Variants in SGCZ observed in about 807,000 individuals in gnomAD.
The protein encoded by SGCZ is sarcoglycan zeta, also known as zeta-sarcoglycan.
A neutral mutation model predicts 41.3 loss-of-function variants in SGCZ; 40 were observed. The observed-to-expected ratio is 0.97, with a 90% CI of 0.75 to 1.26. The LOEUF is 1.26. Ranked by LOEUF, SGCZ falls within the 50% of genes most tolerant of loss-of-function variation. The pLI is 0.00. For missense variants in SGCZ, 552 were observed against 369.8 expected, an observed-to-expected ratio of 1.49 and a Z score of -4.04; for synonymous variants, 206 against 137.5, an observed-to-expected ratio of 1.50 and a Z score of -3.49.
At position 14,259,596 on chromosome 8, in the gene SGCZ, G is replaced by A. The variant is rs1184958553; in HGVS notation, c.337-21917C>T. ...CTTTCCCCATTGCTTGTTTTTGTCA[G>A]GTTTGTCAAAGATCAGATAGTTGTA... On this transcript the variant is annotated intron_variant, in intron 3 of 7. Transcript: ENST00000382080. Among the ~76,000 whole-genome samples, 4 of 130,380 alleles carry A rather than the reference G, an allele frequency of 3.1e-5. 1 individual carries two copies. In the South Asian group the frequency reaches 7.0e-4, roughly 23 times the overall value. The allele number at this position is 130,380 out of a possible 152,430, so 85.5% of individuals were successfully genotyped here.
At chr8:14,216,749 C>A (rs1471400894) in intron 4 of SGCZ, among the ~76,000 whole-genome samples, 2 of 151,430 alleles carry the variant, frequency 1.3e-5, no homozygotes, top group East Asian at 1.9e-4. Flanking sequence ...AAAACAAAAA[C>A]CTACACCTGT....
chr8:14,527,885 T>G (rs1406418119), intron 2 of SGCZ, among the ~76,000 whole-genome samples: 2 of 152,196 alleles, frequency 1.3e-5, no homozygotes, highest in Admixed American at 6.6e-5. Context: ...TTCTATAAAT[T>G]AGTAAAATAG....
chr8:14,771,082 G>C (rs545246369), intron 1 of SGCZ, among the ~76,000 whole-genome samples: 2 of 152,228 alleles, frequency 1.3e-5, no homozygotes, highest in East Asian at 3.9e-4. Flanking sequence ...AGTTAGAGTT[G>C]CTGATCATGG....
In SGCZ at chr8:14,085,501, C is replaced by T. The variant is rs1801498624; in HGVS notation, c.*4942G>A. Among the ~76,000 whole-genome samples the T allele has an allele frequency of 6.6e-6, 1 of 151,686 alleles. No homozygotes were observed. The highest frequency in any genetic ancestry group is 2.1e-4 in the South Asian group (1 of 4,832). On this transcript the variant is annotated 3_prime_UTR_variant, in exon 8 of 8. Transcript: ENST00000382080. ...AAAATAACTACAGTTCATTATATCT[C>T]ATTTCCTTTAATGGTTTTCATTGGC...
intron 4 of SGCZ, among the ~76,000 whole-genome samples, chr8:14,212,253 GA>G (rs1352947486): frequency 6.6e-6 from 1 of 151,992 alleles, no homozygotes; most frequent in Non-Finnish European, 1.5e-5. Flanking sequence ...AGATTATGTG[GA>G]AAGTCCAAGA....
intron 4 of SGCZ, among the ~76,000 whole-genome samples, chr8:14,230,032 T>C (rs933453893): frequency 6.6e-6 from 1 of 152,136 alleles, no homozygotes; most frequent in Non-Finnish European, 1.5e-5. Context: ...TCATTTACCT[T>C]CTTCATTTTA....
At chr8:14,553,450 C>A (rs1803934257) in intron 2 of SGCZ, among the ~76,000 whole-genome samples, 1 of 152,028 alleles carries the variant, frequency 6.6e-6, no homozygotes, top group African/African-American at 2.4e-5. Flanking sequence ...TGACTCCTGG[C>A]CAACTTTTCT....
At chr8:14,961,971 T>G (rs959882016) in intron 1 of SGCZ, among the ~76,000 whole-genome samples, 1 of 152,236 alleles carries the variant, frequency 6.6e-6, no homozygotes, top group Non-Finnish European at 1.5e-5. Context: ...TGCGGAGCAC[T>G]GATTATATCA....
chr8:14,441,727 T>C (rs1190913285), intron 2 of SGCZ, among the ~76,000 whole-genome samples: 1 of 152,242 alleles, frequency 6.6e-6, no homozygotes, highest in African/African-American at 2.4e-5. Flanking sequence ...CAATGACTTG[T>C]GCTCTTCTTA....
chr8:15,035,373 C>T (rs1803837110), intron 1 of SGCZ, among the ~76,000 whole-genome samples: 2 of 151,938 alleles, frequency 1.3e-5, no homozygotes, highest in South Asian at 4.2e-4. Flanking sequence ...AGTAAAGTAT[C>T]GAACCATGTC....
intron 1 of SGCZ, among the ~76,000 whole-genome samples, chr8:15,001,270 GT>G (rs1802409851): frequency 6.6e-6 from 1 of 152,214 alleles, no homozygotes; most frequent in Non-Finnish European, 1.5e-5. Flanking sequence ...ACTTCAGGGA[GT>G]TTCAAACACC....
chr8:14,166,947 A>T (rs1222879219), intron 4 of SGCZ, among the ~76,000 whole-genome samples: 9 of 152,190 alleles, frequency 5.9e-5, no homozygotes, highest in Non-Finnish European at 1.3e-4. Context: ...CATCTAATTG[A>T]AAAAGAGATA....
rs117128826 is a variant in SGCZ, at chr8:15,160,824, G to A, written c.39+76761C>T. ...CTCAGGCCAAAAGGCACATGCCACC[G>A]TCTATGCCTCCATTCTGTCTATTCT... is the stretch of plus-strand genomic sequence containing the variant. On this transcript the variant is annotated intron_variant, in intron 1 of 7. Coordinates refer to ENST00000382080, the MANE Select transcript of SGCZ (RefSeq NM_139167.4). Among the ~76,000 whole-genome samples the A allele has an allele frequency of 1.4e-4, 21 of 152,270 alleles. No homozygotes were observed. In the East Asian group the frequency reaches 3.5e-3, roughly 25 times the overall value.
In SGCZ at chr8:14,829,192, TC is replaced by T. The variant is rs201037107; in HGVS notation, c.40-274267del. Among the ~76,000 whole-genome samples the T allele has an allele frequency of 9.8e-4, 149 of 152,232 alleles. 1 individual carries two copies. The East Asian group carries it at 0.027, about 28-fold the overall frequency. On this transcript the variant is annotated intron_variant, in intron 1 of 7. Transcript: ENST00000382080. ...TATTTTTCTTGATCCTCTCCCTGCT[TC>T]CACCCCAACACTCTGATAGGCCCCA...
At chr8:14,504,971 G>A (rs906602538) in intron 2 of SGCZ, among the ~76,000 whole-genome samples, 1 of 152,036 alleles carries the variant, frequency 6.6e-6, no homozygotes, top group Non-Finnish European at 1.5e-5. Context: ...TGAACTGTCT[G>A]TTGCATTGCT....
intron 3 of SGCZ, among the ~76,000 whole-genome samples, chr8:14,272,027 G>A (rs1800082351): frequency 6.6e-6 from 1 of 152,032 alleles, no homozygotes; most frequent in Admixed American, 6.6e-5. Flanking sequence ...TTTTTAAGAT[G>A]GAGTCTCATT....
intron 1 of SGCZ, among the ~76,000 whole-genome samples, chr8:14,638,881 T>A (rs184544147): frequency 6.6e-6 from 1 of 151,804 alleles, no homozygotes; most frequent in Non-Finnish European, 1.5e-5. Flanking sequence ...AAATCATGTG[T>A]GGCATTCATC....
chr8:14,471,594 C>T (rs950258777), intron 2 of SGCZ, among the ~76,000 whole-genome samples: 4 of 151,988 alleles, frequency 2.6e-5, no homozygotes, highest in Non-Finnish European at 5.9e-5. Context: ...AATTATTCAA[C>T]GTATCCTATA....
intron 3 of SGCZ, among the ~76,000 whole-genome samples, chr8:14,320,217 G>C (rs7840265): frequency 0.84 from 126,354 of 151,296 alleles, 54,294 homozygotes; most frequent in Non-Finnish European, 0.94. Flanking sequence ...CATTAAAAAT[G>C]TAAATATAAT....
Sources: gnomAD v4.1 joint callset for allele counts (sites outside exome capture counted in the v4.1 genomes callset) on GRCh38, gnomAD v4.1.1 for gene constraint, MANE v1.5 for transcripts, NCBI Gene and HGNC (gene_info 2026-07-23, HGNC 2026-07-21) for gene names.